OPHN1: variants seen among roughly 807,000 people sequenced by gnomAD.
OPHN1 encodes oligophrenin 1, also known as oligophrenin-1.
OPHN1 carries 11 observed loss-of-function variants against 60.7 expected under a neutral mutation model. That is an observed-to-expected ratio of 0.18 (90% CI 0.11 to 0.30). The LOEUF is 0.30. Ranked by LOEUF, OPHN1 falls within the 10% of genes least tolerant of loss-of-function variation. OPHN1 has a pLI of 1.00. For missense variants in OPHN1, 449 were observed against 611.0 expected, an observed-to-expected ratio of 0.73 and a Z score of 2.80; for synonymous variants, 226 against 222.6, an observed-to-expected ratio of 1.02 and a Z score of -0.14.
chrX:68,212,670 C>A (rs755543007), intron 7 of OPHN1, among the ~76,000 whole-genome samples: 41 of 112,400 alleles, frequency 3.6e-4, no homozygotes, highest in Non-Finnish European at 6.8e-4. Flanking sequence ...CAAACACAAA[C>A]CAGTCTACAC....
chrX:68,139,483 A>G (rs66644461), intron 15 of OPHN1, among the ~76,000 whole-genome samples: 7,739 of 111,016 alleles, frequency 0.07, 688 homozygotes, highest in African/African-American at 0.24. Context: ...GAGCAACATG[A>G]TGGATACCAG....
At chrX:68,267,749 G>T (rs1602284513) in intron 5 of OPHN1, among the ~76,000 whole-genome samples, 1 of 111,606 alleles carries the variant, frequency 9.0e-6, no homozygotes, top group South Asian at 3.8e-4. Context: ...CCAGGAGCTG[G>T]TTTTTTGAAA....
At chrX:68,173,244 C>T (rs73212862) in intron 15 of OPHN1, among the ~76,000 whole-genome samples, 22,953 of 110,554 alleles carry the variant, frequency 0.21, 2,071 homozygotes, top group African/African-American at 0.3. Context: ...CAGCCCCTGT[C>T]GGTACCCCTG....
chrX:68,363,762 T>C (rs974351621), intron 2 of OPHN1, among the ~76,000 whole-genome samples: 3 of 111,462 alleles, frequency 2.7e-5, no homozygotes, highest in African/African-American at 9.8e-5. Flanking sequence ...GTATCAGAAA[T>C]GCATACTGAA....
At position 68,123,531 on chromosome X, in the gene OPHN1, T is replaced by G. The variant is rs142742293; in HGVS notation, c.1277-4199A>C. ...AATAACTCCAACAACTTTAAAGACA[T>G]AGAGAGTACAACAAGACATAAATGG... On this transcript the variant is annotated intron_variant, in intron 15 of 24. Transcript: ENST00000355520. Among the ~76,000 whole-genome samples the G allele has an allele frequency of 3.6e-3, 398 of 111,519 alleles. 4 individuals carry two copies. Among genetic ancestry groups the G allele is most frequent in the African/African-American group, 0.013 (386 of 30,793 alleles).
At chrX:68,361,970 A>C (rs2078475323) in intron 2 of OPHN1, among the ~76,000 whole-genome samples, 1 of 111,773 alleles carries the variant, frequency 8.9e-6, no homozygotes, top group African/African-American at 3.3e-5. Flanking sequence ...GATGACTACT[A>C]ATGTTGAGCA....
chrX:68,223,021 A>G (rs1032282510), intron 6 of OPHN1, among the ~76,000 whole-genome samples: 1 of 112,130 alleles, frequency 8.9e-6, no homozygotes, highest in African/African-American at 3.2e-5. Context: ...CAGAAAGGCC[A>G]TTATTAAAAA....
intron 6 of OPHN1, among the ~76,000 whole-genome samples, chrX:68,220,155 C>CCTA (rs2077645677): frequency 1.9e-5 from 2 of 106,208 alleles, no homozygotes; most frequent in Non-Finnish European, 3.9e-5. Flanking sequence ...ACAAACACCT[C>CCTA]TACGCAAATA....
intron 2 of OPHN1, among the ~76,000 whole-genome samples, chrX:68,345,813 A>G (rs1219658406): frequency 8.8e-6 from 1 of 113,008 alleles, no homozygotes; most frequent in Non-Finnish European, 1.9e-5. Context: ...CAGTATTTCT[A>G]CAAGAATGTT....
chrX:68,286,424 ACTC>A (rs1277406704), intron 3 of OPHN1, among the ~76,000 whole-genome samples: 3 of 110,690 alleles, frequency 2.7e-5, no homozygotes, highest in Admixed American at 9.6e-5. Flanking sequence ...CTTAGCCTTC[ACTC>A]CTCCTTGCAA....
chrX:68,268,771 T>C (rs2077948340), intron 5 of OPHN1, among the ~76,000 whole-genome samples: 2 of 111,129 alleles, frequency 1.8e-5, no homozygotes, highest in Non-Finnish European at 3.8e-5. Flanking sequence ...AAATAAAGGG[T>C]ATTCAATTAG....
chrX:68,422,804 A>T (rs2078835638), intron 2 of OPHN1, among the ~76,000 whole-genome samples: 1 of 83,380 alleles, frequency 1.2e-5, no homozygotes, highest in Non-Finnish European at 2.3e-5. Flanking sequence ...GGAGGGAGGG[A>T]GGGAGGGAAA....
At chrX:68,061,645 T>C (rs1341955832) in intron 21 of OPHN1, among the ~76,000 whole-genome samples, 1 of 111,910 alleles carries the variant, frequency 8.9e-6, no homozygotes, top group Non-Finnish European at 1.9e-5. Context: ...GCCAGATATT[T>C]TGTCATTCCT....
chrX:68,276,191 AGACCTCTT>A (rs2077991170), intron 4 of OPHN1, among the ~76,000 whole-genome samples: 1 of 111,759 alleles, frequency 8.9e-6, no homozygotes, highest in Admixed American at 9.5e-5. Context: ...TTACAAAATC[AGACCTCTT>A]GCCTGCTAAC....
intron 2 of OPHN1, among the ~76,000 whole-genome samples, chrX:68,394,116 C>T (rs1360731364): frequency 3.7e-5 from 4 of 108,769 alleles, no homozygotes; most frequent in Admixed American, 1.0e-4. Flanking sequence ...AGGATGGTCT[C>T]GATCTCCTGA....
At chrX:68,095,560 C>A (rs1000936987) in intron 19 of OPHN1, among the ~76,000 whole-genome samples, 9 of 111,879 alleles carry the variant, frequency 8.0e-5, no homozygotes, top group Admixed American at 3.8e-4. Flanking sequence ...CTGTTCCAAA[C>A]TGAACTTTCC....
chrX:68,314,414 G>A (rs976845269), intron 2 of OPHN1, among the ~76,000 whole-genome samples: 1 of 110,841 alleles, frequency 9.0e-6, no homozygotes, highest in Non-Finnish European at 1.9e-5. Flanking sequence ...CCAGCTACTT[G>A]GGAGGCTGAG....
chrX:68,070,722 C>T (rs2076930437), intron 20 of OPHN1: 1 of 1,110,006 alleles, frequency 9.0e-7, no homozygotes, highest in Non-Finnish European at 1.2e-6. Context: ...GGCTTTGGTT[C>T]CCTGGGCAAA....
At chrX:68,079,535 C>T (rs894870402) in intron 19 of OPHN1, among the ~76,000 whole-genome samples, 1 of 112,005 alleles carries the variant, frequency 8.9e-6, no homozygotes, top group Non-Finnish European at 1.9e-5. Context: ...TGAACACTGT[C>T]GTCTCTTTCA....
Sources: gnomAD v4.1 joint callset for allele counts (sites outside exome capture counted in the v4.1 genomes callset) on GRCh38, gnomAD v4.1.1 for gene constraint, MANE v1.5 for transcripts, NCBI Gene and HGNC (gene_info 2026-07-23, HGNC 2026-07-21) for gene names.